Variants in BNC2 observed in about 807,000 individuals in gnomAD.
BNC2 encodes zinc finger protein basonuclin-2.
Under a neutral mutation model 76.3 loss-of-function variants are expected in BNC2, and 20 were observed. That is an observed-to-expected ratio of 0.26 (90% CI 0.18 to 0.38). The LOEUF is 0.38. Ranked by LOEUF, BNC2 falls within the 10% of genes least tolerant of loss-of-function variation. The pLI, the probability that BNC2 is intolerant of heterozygous loss-of-function variation, is 1.00. For synonymous variants in BNC2, 582 were observed against 514.8 expected, an observed-to-expected ratio of 1.13 and a Z score of -1.77; for missense variants, 1,382 against 1,399.8, an observed-to-expected ratio of 0.99 and a Z score of 0.20.
chr9:16,744,160 G>A (rs1587372618), intron 1 of BNC2, among the ~76,000 whole-genome samples: 3 of 152,080 alleles, frequency 2.0e-5, no homozygotes, highest in African/African-American at 7.2e-5. Context: ...TAGTAGAGAC[G>A]GGTTTTCACC....
chr9:16,789,469 C>T (rs922616543), intron 1 of BNC2, among the ~76,000 whole-genome samples: 3 of 152,174 alleles, frequency 2.0e-5, no homozygotes, highest in African/African-American at 7.2e-5. Flanking sequence ...TTACCCTACA[C>T]ACTTCAACAA....
At chr9:16,604,911 T>G (rs948395563) in intron 3 of BNC2, among the ~76,000 whole-genome samples, 2 of 152,208 alleles carry the variant, frequency 1.3e-5, no homozygotes, top group African/African-American at 4.8e-5. Flanking sequence ...AAAATACTTG[T>G]GGGTGTCAGT....
intron 1 of BNC2, among the ~76,000 whole-genome samples, chr9:16,796,571 C>CAA (rs11373024): frequency 1.2e-4 from 16 of 137,008 alleles, no homozygotes; most frequent in Non-Finnish European, 1.7e-4. Context: ...GACTCCGTCT[C>CAA]AAAAAAAAAA....
chr9:16,552,768 G>A lies in BNC2; in HGVS notation c.434-3C>T. 6.2e-7 allele frequency: 1 copy of A among 1,613,430 alleles called. No homozygotes were observed. Among genetic ancestry groups the A allele is most frequent in the Non-Finnish European group, 8.5e-7 (1 of 1,179,336 alleles). ...CTGCGTGCTGAGCTTATCCAAGGCT[G>A]TGGTGGTCCCGCCAAAGTTCCAGAG... is the stretch of plus-strand genomic sequence containing the variant. On this transcript the variant is annotated splice_polypyrimidine_tract_variant and splice_region_variant and intron_variant, in intron 4 of 6. Coordinates refer to ENST00000380672, the MANE Select transcript of BNC2 (RefSeq NM_017637.6).
intron 1 of BNC2, among the ~76,000 whole-genome samples, chr9:16,770,730 TAGTGCACGCCTGTAG>T (rs1825810663): frequency 6.6e-6 from 1 of 151,868 alleles, no homozygotes; most frequent in East Asian, 1.9e-4. Flanking sequence ...CCAGGCATGG[TAGTGCACGCCTGTAG>T]AGCCAGCTAC....
At chr9:16,588,457 A>ATATT (rs1819833234) in intron 3 of BNC2, among the ~76,000 whole-genome samples, 1 of 152,168 alleles carries the variant, frequency 6.6e-6, no homozygotes, top group Non-Finnish European at 1.5e-5. Context: ...ATGGTTCAGA[A>ATATT]ACGTTTATGT....
rs1820434818 is a variant in BNC2 at position 16,410,407 on chromosome 9, G to C, written c.*8582C>G. On this transcript the variant is annotated 3_prime_UTR_variant, in exon 7 of 7. Transcript: ENST00000380672. The stretch of plus-strand genomic sequence containing the variant: ...AGCCCAAGTCTTCTCCCCATTTCTC[G>C]ACCGTCCTCACCCCTCTGACCTTCA... 1 of 152,564 alleles carries C rather than the reference G, an allele frequency of 6.6e-6. No homozygotes were observed. The highest frequency in any genetic ancestry group is 6.6e-5 in the Admixed American group (1 of 15,262). 9.5% of individuals were successfully genotyped at this position (152,564 alleles called of 1,614,324 possible).
intron 4 of BNC2, among the ~76,000 whole-genome samples, 165 bp downstream of exon 4, chr9:16,582,818 G>A (rs1399761174): frequency 2.6e-5 from 4 of 151,540 alleles, no homozygotes; most frequent in African/African-American, 7.3e-5. Flanking sequence ...TTTTAGAGCC[G>A]CAGGCTGAAT....
intron 1 of BNC2, among the ~76,000 whole-genome samples, chr9:16,850,629 G>C (rs949650851): frequency 3.3e-5 from 5 of 152,272 alleles, no homozygotes; most frequent in South Asian, 2.1e-4. Flanking sequence ...CACCACTGTG[G>C]AAGGTGAAGG....
rs547213670 is a variant in BNC2, at chr9:16,870,632, T to C, written c.3+14A>G. On this transcript the variant is annotated intron_variant, in intron 1 of 6. Coordinates refer to ENST00000380672, the MANE Select transcript of BNC2 (RefSeq NM_017637.6). ...GTCTAGAATAAAAGAGGAAGGAGGG[T>C]GGAAACTTCTTACCATCTCGGCATG... is the stretch of plus-strand genomic sequence containing the variant. 1 of 1,609,852 alleles carries C rather than the reference T, an allele frequency of 6.2e-7. No individual in the cohort carries two copies. The highest frequency in any genetic ancestry group is 8.5e-7 in the Non-Finnish European group (1 of 1,178,198).
At chr9:16,456,173 G>C (rs150850660) in intron 5 of BNC2, among the ~76,000 whole-genome samples, 1 of 152,228 alleles carries the variant, frequency 6.6e-6, no homozygotes, top group African/African-American at 2.4e-5. Flanking sequence ...TTTCACTAAT[G>C]AAAAGAAGGT....
intron 3 of BNC2, among the ~76,000 whole-genome samples, chr9:16,700,000 C>T (rs903480759): frequency 6.6e-6 from 1 of 151,992 alleles, no homozygotes; most frequent in Admixed American, 6.6e-5. Context: ...CATTATTTTC[C>T]CAGTTAAGTT....
At chr9:16,434,131 C>T (rs1330882845) in intron 6 of BNC2, among the ~76,000 whole-genome samples, 1 of 152,050 alleles carries the variant, frequency 6.6e-6, no homozygotes, top group Non-Finnish European at 1.5e-5. Context: ...AATGGTTTCT[C>T]CTCAAACCAT....
At chr9:16,733,088 T>C (rs1210255148) in intron 2 of BNC2, among the ~76,000 whole-genome samples, 1 of 152,188 alleles carries the variant, frequency 6.6e-6, no homozygotes, top group Non-Finnish European at 1.5e-5. Context: ...ATATGCAAAT[T>C]ATGCAGCAGG....
chr9:16,620,949 C>T (rs1820849926), intron 3 of BNC2, among the ~76,000 whole-genome samples: 1 of 152,138 alleles, frequency 6.6e-6, no homozygotes, highest in Non-Finnish European at 1.5e-5. Flanking sequence ...AGGGAAACCT[C>T]GACTTTCCAC....
intron 3 of BNC2, among the ~76,000 whole-genome samples, chr9:16,621,839 T>C (rs1345588184): frequency 6.6e-6 from 1 of 152,216 alleles, no homozygotes; most frequent in East Asian, 1.9e-4. Context: ...TAAACACTCA[T>C]ATTGATTATA....
At chr9:16,420,006 TA>T (rs1195684585) in intron 6 of BNC2, among the ~76,000 whole-genome samples, 2 of 152,184 alleles carry the variant, frequency 1.3e-5, no homozygotes, top group Non-Finnish European at 2.9e-5. Context: ...GATTTTAGAA[TA>T]TATATTAAAT....
At chr9:16,557,594 C>T (rs1818875646) in intron 4 of BNC2, among the ~76,000 whole-genome samples, 1 of 151,960 alleles carries the variant, frequency 6.6e-6, no homozygotes, top group South Asian at 2.1e-4. Context: ...CTAGGTGAAG[C>T]TGGAGTAATC....
chr9:16,531,547 C>A (rs1275484098), intron 5 of BNC2, among the ~76,000 whole-genome samples: 1 of 151,198 alleles, frequency 6.6e-6, no homozygotes, highest in East Asian at 1.9e-4. Flanking sequence ...CATAACTTCA[C>A]AGAGTTATCA....
Sources: allele counts gnomAD v4.1 joint callset (sites outside exome capture counted in the v4.1 genomes callset), GRCh38; gene constraint gnomAD v4.1.1; transcripts MANE v1.5; gene names NCBI Gene and HGNC (gene_info 2026-07-23, HGNC 2026-07-21).